The following PDE4B variants were observed in gnomAD, a reference collection of about 807,000 sequenced individuals.
PDE4B encodes 3',5'-cyclic-AMP phosphodiesterase 4B.
Under a neutral mutation model 82.2 loss-of-function variants are expected in PDE4B, and 20 were observed. The ratio of observed to expected loss-of-function variants is 0.24; its 90% CI spans 0.17 to 0.35. The LOEUF is 0.35. PDE4B is among the 10% of genes least tolerant of loss of function. The pLI is 1.00. For missense variants in PDE4B, 655 were observed against 907.2 expected, an observed-to-expected ratio of 0.72 and a Z score of 3.57; for synonymous variants, 320 against 318.9, an observed-to-expected ratio of 1.00 and a Z score of -0.04.
At chr1:66,350,471 G>T (rs1661740563) in intron 8 of PDE4B, among the ~76,000 whole-genome samples, 1 of 151,948 alleles carries the variant, frequency 6.6e-6, no homozygotes, top group South Asian at 2.1e-4. Flanking sequence ...GTCTTTGATA[G>T]GGTGAAGAAT....
intron 3 of PDE4B, among the ~76,000 whole-genome samples, chr1:65,986,690 T>C (rs1650969825): frequency 1.3e-5 from 2 of 152,146 alleles, no homozygotes; most frequent in African/African-American, 4.8e-5. Context: ...GGAGCTGAGA[T>C]TACAGGATCG....
intron 3 of PDE4B, among the ~76,000 whole-genome samples, chr1:66,202,652 A>G (rs961054984): frequency 6.6e-6 from 1 of 151,862 alleles, no homozygotes; most frequent in Admixed American, 6.6e-5. Context: ...CTGTTTTATC[A>G]GAGACTAGGA....
intron 9 of PDE4B, 117 bp downstream of exon 9, chr1:66,355,737 C>A: frequency 7.2e-5 from 38 of 527,784 alleles, no homozygotes; most frequent in South Asian, 3.4e-4. Context: ...ATAGAAAAAT[C>A]CATTTAAAAT....
At chr1:66,194,010 C>T (rs779387935) in intron 3 of PDE4B, among the ~76,000 whole-genome samples, 13 of 150,020 alleles carry the variant, frequency 8.7e-5, no homozygotes, top group Admixed American at 2.7e-4. Context: ...TAGTAACTGA[C>T]AATCTCACCT....
intron 4 of PDE4B, among the ~76,000 whole-genome samples, chr1:66,252,439 A>G (rs907461433): frequency 1.4e-4 from 22 of 152,200 alleles, no homozygotes; most frequent in Admixed American, 3.3e-4. Context: ...CCTACCAAAC[A>G]TTACAGCTTA....
At chr1:65,900,108 A>C (rs12066442) in intron 1 of PDE4B, among the ~76,000 whole-genome samples, 72,400 of 151,904 alleles carry the variant, frequency 0.48, 17,618 homozygotes, top group South Asian at 0.67. Context: ...ATATTTAAAT[A>C]TTTAATCAAC....
At chr1:65,970,985 A>G (rs1382703326) in intron 3 of PDE4B, among the ~76,000 whole-genome samples, 1 of 151,174 alleles carries the variant, frequency 6.6e-6, no homozygotes. Context: ...ATAAGAGAGG[A>G]GAGGCTAAAG....
intron 2 of PDE4B, among the ~76,000 whole-genome samples, chr1:65,916,082 G>A (rs970228212): frequency 1.4e-4 from 21 of 152,266 alleles, no homozygotes; most frequent in Non-Finnish European, 2.8e-4. Context: ...ATGAATTACA[G>A]AGTGTGAAGT....
At chr1:66,353,251 TA>T (rs201969380) in intron 8 of PDE4B, among the ~76,000 whole-genome samples, 3,300 of 152,258 alleles carry the variant, frequency 0.022, 85 homozygotes, top group Non-Finnish European at 0.028. Context: ...AAACATATTG[TA>T]TCATGGGAAA....
intron 3 of PDE4B, among the ~76,000 whole-genome samples, chr1:66,211,633 G>A (rs542813243): frequency 7.1e-4 from 108 of 152,276 alleles, no homozygotes; most frequent in Non-Finnish European, 1.1e-3. Context: ...GCATTTTCAC[G>A]TGGGTGCTTT....
intron 3 of PDE4B, among the ~76,000 whole-genome samples, chr1:66,084,553 TGGGG>T: frequency 6.6e-6 from 1 of 151,992 alleles, no homozygotes; most frequent in Non-Finnish European, 1.5e-5. Context: ...ATTCCTCAGG[TGGGG>T]ACCAGAGCAA....
chr1:66,176,968 C>G (rs777449010), intron 3 of PDE4B, among the ~76,000 whole-genome samples: 1 of 152,180 alleles, frequency 6.6e-6, no homozygotes, highest in African/African-American at 2.4e-5. Context: ...GGTTCCTCCT[C>G]TAATGGGAGG....
intron 3 of PDE4B, among the ~76,000 whole-genome samples, chr1:65,983,432 A>G (rs1262767160): frequency 2.0e-5 from 3 of 152,308 alleles, no homozygotes; most frequent in East Asian, 1.9e-4. Context: ...TCCCCAAATC[A>G]TATGTTGAAA....
chr1:66,133,776 G>A (rs994052667), intron 3 of PDE4B, among the ~76,000 whole-genome samples: 4 of 152,186 alleles, frequency 2.6e-5, no homozygotes, highest in Non-Finnish European at 2.9e-5. Flanking sequence ...ATACTTTGGG[G>A]AAGCAGAGCC....
At chr1:66,054,407 G>A (rs1230113809) in intron 3 of PDE4B, among the ~76,000 whole-genome samples, 3 of 148,554 alleles carry the variant, frequency 2.0e-5, no homozygotes, top group African/African-American at 7.5e-5. Flanking sequence ...CTATAACCAA[G>A]TTAAAAAACA....
chr1:65,804,241 C>T (rs1424449028), intron 1 of PDE4B, among the ~76,000 whole-genome samples: 2 of 152,064 alleles, frequency 1.3e-5, no homozygotes, highest in Non-Finnish European at 2.9e-5. Flanking sequence ...GAAATAAGTA[C>T]AAGGAAGGAA....
At chr1:65,832,990 C>T (rs1646099943) in intron 1 of PDE4B, among the ~76,000 whole-genome samples, 1 of 152,136 alleles carries the variant, frequency 6.6e-6, no homozygotes, top group South Asian at 2.1e-4. Flanking sequence ...GTTAATGTGA[C>T]TTTCTATGAT....
chr1:66,330,612 G>A, intron 7 of PDE4B: 1 of 168,948 alleles, frequency 5.9e-6, no homozygotes. Flanking sequence ...AGACATGAAG[G>A]TAGTAAATCC....
intron 3 of PDE4B, among the ~76,000 whole-genome samples, chr1:66,160,813 A>G (rs1437566686): frequency 6.6e-6 from 1 of 152,184 alleles, no homozygotes; most frequent in Admixed American, 6.5e-5. Flanking sequence ...ATCTAATTAT[A>G]CTGACTGTGC....
Sources: gnomAD v4.1 joint callset for allele counts (sites outside exome capture counted in the v4.1 genomes callset) on GRCh38, gnomAD v4.1.1 for gene constraint, MANE v1.5 for transcripts, NCBI Gene and HGNC (gene_info 2026-07-23, HGNC 2026-07-21) for gene names.